Variants in RMP64 observed in about 807,000 individuals in gnomAD.
RMP64 encodes the protein ribonuclease MRP subunit p64, also known as nucleolus and neural progenitor protein.
chr3:113,005,352 CTTG>C, the RMP64 span: 48 of 584,216 alleles, frequency 8.2e-5, no homozygotes, highest in Middle Eastern at 4.5e-4. Flanking sequence ...AAAAGAAATA[CTTG>C]TTGATGAAAT....
chr3:113,005,952 G>C, the RMP64 span: 2 of 1,613,662 alleles, frequency 1.2e-6, no homozygotes, highest in Non-Finnish European at 1.7e-6. Context: ...CCTGAGCCAC[G>C]AAGAAGGTGG....
chr3:113,017,113 T>A, the RMP64 span, among the ~76,000 whole-genome samples: 2 of 152,210 alleles, frequency 1.3e-5, no homozygotes, highest in Non-Finnish European at 2.9e-5. Context: ...GTCCAACATT[T>A]TGTCTTGCTC....
At chr3:113,012,524 T>C in the RMP64 span, 4 of 392,760 alleles carry the variant, frequency 1.0e-5, no homozygotes, top group Non-Finnish European at 1.4e-5. Context: ...GGGCTGATCT[T>C]GTGGATTGAG....
the RMP64 span, among the ~76,000 whole-genome samples, chr3:113,007,162 A>G: frequency 1.3e-5 from 2 of 152,106 alleles, no homozygotes; most frequent in African/African-American, 4.8e-5. Context: ...CAGCCATAGG[A>G]TACATCACTT....
chr3:113,011,390 C>T, the RMP64 span: 6 of 1,592,482 alleles, frequency 3.8e-6, no homozygotes, highest in Non-Finnish European at 5.1e-6. Context: ...CTTTTTAAGA[C>T]ACCTTTATAG....
At chr3:113,017,969 A>G in the RMP64 span, among the ~76,000 whole-genome samples, 4 of 152,214 alleles carry the variant, frequency 2.6e-5, no homozygotes, top group Non-Finnish European at 5.9e-5. Flanking sequence ...ACATGTCACA[A>G]CATGTGTAAT....
the RMP64 span, chr3:113,013,231 C>G: frequency 6.2e-7 from 1 of 1,601,588 alleles, no homozygotes. Flanking sequence ...CCAAACAATT[C>G]CAAATCAAAA....
At chr3:113,013,902 C>T in the RMP64 span, 5 of 1,191,732 alleles carry the variant, frequency 4.2e-6, no homozygotes, top group Non-Finnish European at 6.3e-6. Flanking sequence ...GATCACAAGA[C>T]ATTGAGTTCC....
At chr3:113,010,557 A>G in the RMP64 span, 2 of 1,114,442 alleles carry the variant, frequency 1.8e-6, no homozygotes. Context: ...GGATAAAATG[A>G]AAAGATTCAA....
the RMP64 span, chr3:113,003,725 C>T: frequency 3.1e-4 from 47 of 151,320 alleles, no homozygotes; most frequent in African/African-American, 1.1e-3. Context: ...AGATAAGCTC[C>T]AAAGTTTATT....
At chr3:113,010,376 C>T in the RMP64 span, 4 of 418,926 alleles carry the variant, frequency 9.5e-6, no homozygotes, top group Admixed American at 8.4e-5. Context: ...CAGTACAATC[C>T]ATACTTAACA....
the RMP64 span, chr3:113,005,590 T>C: frequency 6.2e-7 from 1 of 1,613,966 alleles, no homozygotes; most frequent in Non-Finnish European, 8.5e-7. Context: ...CCTTAATGGT[T>C]CCTGATGTAC....
chr3:113,013,974 AGG>A, the RMP64 span: 9 of 1,613,354 alleles, frequency 5.6e-6, no homozygotes, highest in Non-Finnish European at 5.1e-6. Context: ...CAACTCAAAC[AGG>A]TCTTGAATTG....
chr3:113,011,770 G>A, the RMP64 span, among the ~76,000 whole-genome samples: 1 of 152,016 alleles, frequency 6.6e-6, no homozygotes, highest in Non-Finnish European at 1.5e-5. Flanking sequence ...CTTAAAACAG[G>A]CATGTATTAT....
chr3:113,006,641 G>T, the RMP64 span, among the ~76,000 whole-genome samples: 2 of 152,334 alleles, frequency 1.3e-5, no homozygotes, highest in African/African-American at 2.4e-5. Flanking sequence ...GTGCCTTGCT[G>T]AATTGTTTCA....
the RMP64 span, chr3:113,005,922 G>A: frequency 6.2e-7 from 1 of 1,613,854 alleles, no homozygotes; most frequent in South Asian, 1.1e-5. Context: ...TGTCTCAGAT[G>A]ATGCTTTGAA....
chr3:113,013,064 G>A, the RMP64 span: 1 of 632,790 alleles, frequency 1.6e-6, no homozygotes, highest in Admixed American at 3.0e-5. Context: ...AATGCTCTTA[G>A]GATAATACGT....
At chr3:113,003,461 T>TG in the RMP64 span, 6 of 151,568 alleles carry the variant, frequency 4.0e-5, no homozygotes, top group Admixed American at 3.3e-4. Context: ...GTTAAATATT[T>TG]GGATTTATTT....
the RMP64 span, chr3:113,019,433 C>A: frequency 1.2e-6 from 1 of 867,050 alleles, no homozygotes; most frequent in Non-Finnish European, 1.8e-6. Context: ...CCCTTCCCAG[C>A]GTCCCCCGGG....
Sources: allele counts gnomAD v4.1 joint callset (sites outside exome capture counted in the v4.1 genomes callset), GRCh38; gene constraint gnomAD v4.1.1; transcripts MANE v1.5; gene names NCBI Gene and HGNC (gene_info 2026-07-23, HGNC 2026-07-21).